The following PRKG1 variants were observed in gnomAD, a reference collection of about 807,000 sequenced individuals.
The protein encoded by PRKG1 is cGMP-dependent protein kinase 1.
A neutral mutation model predicts 88.1 loss-of-function variants in PRKG1; 35 were observed. The observed-to-expected ratio is 0.40, with a 90% CI of 0.30 to 0.53. The LOEUF is 0.53. PRKG1 is among the 20% of genes least tolerant of loss of function. The pLI is 0.59. For synonymous variants in PRKG1, 303 were observed against 292.5 expected (o/e 1.04, Z -0.37); for missense variants, 540 against 839.8 (o/e 0.64, Z 4.41).
chr10:52,173,326 C>T (rs1838763223), intron 9 of PRKG1, among the ~76,000 whole-genome samples: 2 of 152,142 alleles, frequency 1.3e-5, no homozygotes, highest in South Asian at 4.1e-4. Context: ...TATCATTATA[C>T]AATTTTCTTT....
intron 5 of PRKG1, among the ~76,000 whole-genome samples, chr10:51,973,641 A>G (rs376006905): frequency 1.3e-5 from 2 of 152,166 alleles, no homozygotes; most frequent in Non-Finnish European, 2.9e-5. Context: ...AGCTCTAAAC[A>G]GTTCATCTTC....
Position 52,131,250 on chromosome 10 carries a change from G to A in PRKG1, c.936-2590G>A, listed in dbSNP as rs1837249249. Among the ~76,000 whole-genome samples, 7 of 152,120 alleles carry A rather than the reference G, an allele frequency of 4.6e-5. No homozygotes were observed. In the South Asian group the frequency reaches 1.0e-3, roughly 23 times the overall value. On this transcript the variant is annotated intron_variant, in intron 7 of 17. Transcript: ENST00000373980. ...GGGAGCAAAGCCAGCTATGGTCCCG[G>A]CCCTCATAGGGTTTAGTGGAAGGAA...
At chr10:51,404,693 G>A (rs148054576) in intron 2 of PRKG1, among the ~76,000 whole-genome samples, 2,750 of 152,294 alleles carry the variant, frequency 0.018, 33 homozygotes, top group Admixed American at 0.034. Context: ...CCAATTAAAT[G>A]TACTTGGAAT....
At chr10:52,151,000 A>G (rs1837897681) in intron 8 of PRKG1, among the ~76,000 whole-genome samples, 1 of 119,580 alleles carries the variant, frequency 8.4e-6, no homozygotes, top group South Asian at 3.3e-4. Context: ...ATTTGTTTTT[A>G]GACAATTTTG....
At chr10:52,256,126 G>T (rs969258416) in intron 10 of PRKG1, among the ~76,000 whole-genome samples, 1 of 138,592 alleles carries the variant, frequency 7.2e-6, no homozygotes, top group Non-Finnish European at 1.6e-5. Flanking sequence ...AAAATATTTG[G>T]ATTCTTACCA....
chr10:51,704,232 G>C (rs377644958), intron 3 of PRKG1, among the ~76,000 whole-genome samples: 32 of 140,118 alleles, frequency 2.3e-4, no homozygotes, highest in African/African-American at 9.8e-4. Flanking sequence ...ATAGATGATA[G>C]ATAGACAGAC....
intron 1 of PRKG1, among the ~76,000 whole-genome samples, chr10:51,050,833 A>G (rs995555821): frequency 1.3e-5 from 2 of 152,120 alleles, no homozygotes. Flanking sequence ...ATTTTTTAAT[A>G]TAATAGTCAT....
chr10:51,689,770 G>C (rs549244672), intron 3 of PRKG1, among the ~76,000 whole-genome samples: 2 of 152,124 alleles, frequency 1.3e-5, no homozygotes, highest in African/African-American at 4.8e-5. Context: ...CCATTCAAAG[G>C]CCTGGGGAAA....
chr10:51,946,899 C>G (rs1295053255), intron 5 of PRKG1, among the ~76,000 whole-genome samples: 1 of 152,020 alleles, frequency 6.6e-6, no homozygotes, highest in East Asian at 1.9e-4. Flanking sequence ...TTAGGCTGCT[C>G]AGGGGTCAGG....
chr10:51,686,760 G>GT (rs1841004185), intron 3 of PRKG1, among the ~76,000 whole-genome samples: 1 of 152,162 alleles, frequency 6.6e-6, no homozygotes, highest in East Asian at 1.9e-4. Flanking sequence ...TTGTTTGTTT[G>GT]TTTTTTCTTT....
chr10:51,783,370 C>G (rs1439331168), intron 3 of PRKG1, among the ~76,000 whole-genome samples: 1 of 152,052 alleles, frequency 6.6e-6, no homozygotes, highest in Non-Finnish European at 1.5e-5. Flanking sequence ...CTTCCACCTT[C>G]TGGATTTAAG....
At chr10:51,014,064 TTTGAGGGCAA>T (rs1030947732) in intron 1 of PRKG1, among the ~76,000 whole-genome samples, 1 of 152,214 alleles carries the variant, frequency 6.6e-6, no homozygotes, top group Non-Finnish European at 1.5e-5. Context: ...TTTTGACATT[TTTGAGGGCAA>T]TGGAAGAATG....
intron 3 of PRKG1, among the ~76,000 whole-genome samples, chr10:51,597,630 C>T (rs1356871047): frequency 2.0e-5 from 3 of 152,172 alleles, no homozygotes; most frequent in Non-Finnish European, 4.4e-5. Context: ...TCACTATTTA[C>T]ACTTCAGAAG....
intron 7 of PRKG1, among the ~76,000 whole-genome samples, chr10:52,099,251 G>T (rs1404772866): frequency 6.6e-6 from 1 of 152,040 alleles, no homozygotes. Flanking sequence ...GGAAAGTTTT[G>T]ATATGTATCA....
intron 4 of PRKG1, among the ~76,000 whole-genome samples, chr10:51,884,936 G>T (rs1325473489): frequency 6.6e-6 from 1 of 152,132 alleles, no homozygotes; most frequent in Non-Finnish European, 1.5e-5. Context: ...TCACCATGGA[G>T]ATATCAGTTT....
intron 5 of PRKG1, among the ~76,000 whole-genome samples, chr10:51,922,309 G>A (rs904766699): frequency 5.4e-5 from 8 of 148,330 alleles, no homozygotes; most frequent in Non-Finnish European, 9.0e-5. Flanking sequence ...TAGCCTTGTA[G>A]GGATTTATCA....
chr10:51,139,952 A>T (rs1328203739), intron 1 of PRKG1, among the ~76,000 whole-genome samples: 1 of 152,232 alleles, frequency 6.6e-6, no homozygotes, highest in East Asian at 1.9e-4. Flanking sequence ...CTGCAAGACC[A>T]TGTCTAAAAC....
intron 1 of PRKG1, among the ~76,000 whole-genome samples, chr10:51,004,841 G>A (rs1842925468): frequency 6.6e-6 from 1 of 152,078 alleles, no homozygotes; most frequent in African/African-American, 2.4e-5. Context: ...ATAACCACAA[G>A]TCCTTCTCTA....
At chr10:51,989,050 A>G (rs1844234879) in intron 5 of PRKG1, among the ~76,000 whole-genome samples, 1 of 152,066 alleles carries the variant, frequency 6.6e-6, no homozygotes, top group African/African-American at 2.4e-5. Flanking sequence ...TGCCCTCTTG[A>G]TCCACATACA....
Sources: gnomAD v4.1 joint callset for allele counts (sites outside exome capture counted in the v4.1 genomes callset) on GRCh38, gnomAD v4.1.1 for gene constraint, MANE v1.5 for transcripts, NCBI Gene and HGNC (gene_info 2026-07-23, HGNC 2026-07-21) for gene names.